The following AKT3 variants were observed in gnomAD, a reference collection of about 807,000 sequenced individuals.
AKT3 encodes AKT serine/threonine kinase 3, also known as RAC-gamma serine/threonine-protein kinase.
In AKT3, 15 loss-of-function variants were observed where a neutral mutation model predicts 65.3. The ratio of observed to expected loss-of-function variants is 0.23; its 90% CI spans 0.15 to 0.35. AKT3 has a LOEUF of 0.35. Among genes scored for constraint, AKT3 ranks in the 10% least tolerant of loss-of-function variants. AKT3 has a pLI of 1.00. For synonymous variants in AKT3, 206 were observed against 183.8 expected, an observed-to-expected ratio of 1.12 and a Z score of -0.98; for missense variants, 243 against 576.5, an observed-to-expected ratio of 0.42 and a Z score of 5.92.
intron 13 of AKT3, among the ~76,000 whole-genome samples, chr1:243,511,230 CCTTAA>C (rs1404206013): frequency 6.6e-6 from 1 of 152,238 alleles, no homozygotes; most frequent in Non-Finnish European, 1.5e-5. Flanking sequence ...ACCTGGAGCA[CCTTAA>C]CTTTTTGTGA....
At chr1:243,583,426 C>G (rs1675552248) in intron 8 of AKT3, among the ~76,000 whole-genome samples, 1 of 150,004 alleles carries the variant, frequency 6.7e-6, no homozygotes, top group African/African-American at 2.4e-5. Flanking sequence ...CCAACTGAAC[C>G]TGAAAAACAT....
intron 2 of AKT3, among the ~76,000 whole-genome samples, chr1:243,740,045 T>G (rs1349705055): frequency 1.3e-5 from 2 of 152,196 alleles, no homozygotes; most frequent in Non-Finnish European, 2.9e-5. Flanking sequence ...TAATCTTAGC[T>G]GCCCAAAATA....
intron 2 of AKT3, among the ~76,000 whole-genome samples, chr1:243,766,775 A>G (rs1689854715): frequency 6.6e-6 from 1 of 152,204 alleles, no homozygotes; most frequent in Admixed American, 6.5e-5. Flanking sequence ...AATAAATGAA[A>G]ACATAAATAG....
At chr1:243,658,591 C>G (rs1260016079) in intron 4 of AKT3, among the ~76,000 whole-genome samples, 2 of 152,016 alleles carry the variant, frequency 1.3e-5, no homozygotes, top group East Asian at 3.9e-4. Context: ...GTAGAACTAC[C>G]AAATGAACCA....
chr1:243,667,761 C>T (rs935306302), intron 3 of AKT3, among the ~76,000 whole-genome samples: 3 of 152,188 alleles, frequency 2.0e-5, no homozygotes, highest in East Asian at 3.9e-4. Context: ...AGGTGTCCTA[C>T]GTGATCTGAC....
intron 1 of AKT3, among the ~76,000 whole-genome samples, chr1:243,848,573 CATTT>C (rs1295247106): frequency 2.0e-5 from 3 of 152,206 alleles, no homozygotes; most frequent in Admixed American, 6.5e-5. Flanking sequence ...GAGTTTCACT[CATTT>C]GTCAGCTTCA....
chr1:243,625,124 GTTTTTTT>G (rs67561828), intron 6 of AKT3: 56 of 75,352 alleles, frequency 7.4e-4, no homozygotes, highest in South Asian at 1.5e-3. Context: ...TGCAGTTTGT[GTTTTTTT>G]TTTTTTTTTT....
chr1:243,845,064 G>A (rs1695453208), intron 1 of AKT3, among the ~76,000 whole-genome samples: 1 of 152,182 alleles, frequency 6.6e-6, no homozygotes, highest in Non-Finnish European at 1.5e-5. Flanking sequence ...ATACATAGCA[G>A]TTAAGTTCAG....
At chr1:243,742,018 A>T (rs1021654022) in intron 2 of AKT3, among the ~76,000 whole-genome samples, 4 of 149,922 alleles carry the variant, frequency 2.7e-5, no homozygotes, top group African/African-American at 9.8e-5. Context: ...TGAACCCATG[A>T]GTTTCTCATC....
intron 12 of AKT3, among the ~76,000 whole-genome samples, chr1:243,517,008 A>G (rs1042931443): frequency 6.6e-6 from 1 of 152,220 alleles, no homozygotes; most frequent in African/African-American, 2.4e-5. Context: ...GTATTGCTTT[A>G]GCTGTATATC....
At chr1:243,639,312 A>T (rs866665877) in intron 5 of AKT3, among the ~76,000 whole-genome samples, 2 of 152,196 alleles carry the variant, frequency 1.3e-5, no homozygotes, top group Non-Finnish European at 2.9e-5. Context: ...TTAAACAAGA[A>T]ATGACACCAA....
At chr1:243,652,045 TTC>T (rs1681380298) in intron 4 of AKT3, among the ~76,000 whole-genome samples, 1 of 98,454 alleles carries the variant, frequency 1.0e-5, no homozygotes, top group Non-Finnish European at 2.3e-5. Flanking sequence ...GAGAAAAGAA[TTC>T]TTTTTTTTTT....
intron 2 of AKT3, among the ~76,000 whole-genome samples, chr1:243,760,086 A>G (rs1689389303): frequency 6.6e-6 from 1 of 152,124 alleles, no homozygotes; most frequent in Non-Finnish European, 1.5e-5. Context: ...CAAGGCATCC[A>G]GCAGATATTA....
intron 2 of AKT3, among the ~76,000 whole-genome samples, chr1:243,703,935 T>C (rs1685634902): frequency 6.6e-6 from 1 of 152,152 alleles, no homozygotes; most frequent in Admixed American, 6.6e-5. Flanking sequence ...TGATTAGATT[T>C]TCCAACTCCT....
At chr1:243,836,066 AAAAACTCCCATTT>A (rs1333549015) in intron 2 of AKT3, among the ~76,000 whole-genome samples, 1 of 152,134 alleles carries the variant, frequency 6.6e-6, no homozygotes, top group African/African-American at 2.4e-5. Flanking sequence ...TGACTGGCCT[AAAAACTCCCATTT>A]AAAAGGTAAA....
chr1:243,802,822 T>C (rs542901039), intron 2 of AKT3, among the ~76,000 whole-genome samples: 14 of 152,286 alleles, frequency 9.2e-5, no homozygotes, highest in Admixed American at 2.0e-4. Flanking sequence ...CCAGTGCTTT[T>C]CAGCAAAACA....
chr1:243,688,950 C>CCT (rs1340729431), intron 3 of AKT3, among the ~76,000 whole-genome samples: 1 of 152,094 alleles, frequency 6.6e-6, no homozygotes, highest in African/African-American at 2.4e-5. Context: ...CTGAGACTGT[C>CCT]CTCTGTCTTA....
At chr1:243,725,357 G>A (rs1687147229) in intron 2 of AKT3, among the ~76,000 whole-genome samples, 1 of 152,290 alleles carries the variant, frequency 6.6e-6, no homozygotes, top group Non-Finnish European at 1.5e-5. Context: ...TTGAAGGGTT[G>A]ATGAGTAGGA....
At chr1:243,837,192 A>G (rs1365886786) in intron 2 of AKT3, among the ~76,000 whole-genome samples, 1 of 152,160 alleles carries the variant, frequency 6.6e-6, no homozygotes, top group East Asian at 1.9e-4. Context: ...GGAATATTAA[A>G]AACTTTGCAC....
Sources: allele counts gnomAD v4.1 joint callset (sites outside exome capture counted in the v4.1 genomes callset), GRCh38; gene constraint gnomAD v4.1.1; transcripts MANE v1.5; gene names NCBI Gene and HGNC (gene_info 2026-07-23, HGNC 2026-07-21).